PCDHGB3: variants seen among roughly 807,000 people sequenced by gnomAD.
The protein encoded by PCDHGB3 is protocadherin gamma-B3.
A neutral mutation model predicts 59.2 loss-of-function variants in PCDHGB3; 40 were observed. The ratio of observed to expected loss-of-function variants is 0.68; its 90% CI spans 0.52 to 0.88. The LOEUF is 0.88. Among genes scored for constraint, PCDHGB3 ranks in the 40% least tolerant of loss-of-function variants. The pLI is 0.00. For synonymous variants in PCDHGB3, 581 were observed against 503.6 expected (o/e 1.15, Z -2.06); for missense variants, 1,309 against 1,187.9 (o/e 1.10, Z -1.50).
At chr5:141,403,226 C>T (rs1329726577) in intron 1 of PCDHGB3, 1 of 1,613,926 alleles carries the variant, frequency 6.2e-7, no homozygotes, top group South Asian at 1.1e-5. Flanking sequence ...TAGGATAGAC[C>T]GGGAGGAGCT....
At chr5:141,468,701 C>A (rs1186497330) in intron 1 of PCDHGB3, 2 of 151,628 alleles carry the variant, frequency 1.3e-5, no homozygotes, top group African/African-American at 2.4e-5. Flanking sequence ...CCCGTCTCTA[C>A]TAAAAATATA....
At chr5:141,397,223 T>C (rs144227558) in intron 1 of PCDHGB3, among the ~76,000 whole-genome samples, 1 of 152,304 alleles carries the variant, frequency 6.6e-6, no homozygotes, top group East Asian at 1.9e-4. Context: ...TATTTTGAGA[T>C]ATGAAGAAGA....
At chr5:141,395,889 G>A (rs1375818306) in intron 1 of PCDHGB3, 3 of 151,948 alleles carry the variant, frequency 2.0e-5, no homozygotes, top group African/African-American at 4.8e-5. Flanking sequence ...GTGGTCACCT[G>A]GGCTCCATGC....
chr5:141,433,108 G>A (rs2097568903), intron 1 of PCDHGB3: 2 of 1,614,146 alleles, frequency 1.2e-6, no homozygotes, highest in East Asian at 2.2e-5. Context: ...TCAGCCAGGA[G>A]AGCTTTGAAA....
intron 1 of PCDHGB3, chr5:141,392,870 G>C: frequency 6.2e-7 from 1 of 1,613,226 alleles, no homozygotes; most frequent in Non-Finnish European, 8.5e-7. Context: ...TGTGCGCGCT[G>C]CTGGGAACGC....
chr5:141,461,667 G>C (rs1337688159), intron 1 of PCDHGB3, among the ~76,000 whole-genome samples: 4 of 151,994 alleles, frequency 2.6e-5, no homozygotes, highest in African/African-American at 9.7e-5. Context: ...TTTAAAGTTT[G>C]TTATTTTGTT....
At chr5:141,453,145 G>A (rs1329081754) in intron 1 of PCDHGB3, among the ~76,000 whole-genome samples, 3 of 151,752 alleles carry the variant, frequency 2.0e-5, no homozygotes, top group Admixed American at 6.6e-5. Context: ...ATAGGGTCTC[G>A]CTATGTCACC....
At chr5:141,409,402 C>G (rs2095262140) in intron 1 of PCDHGB3, 2 of 1,613,924 alleles carry the variant, frequency 1.2e-6, no homozygotes, top group Non-Finnish European at 8.5e-7. Context: ...CTTCCAATAA[C>G]TACTACAAAC....
chr5:141,403,038 G>A, intron 1 of PCDHGB3: 1 of 1,614,088 alleles, frequency 6.2e-7, no homozygotes, highest in Non-Finnish European at 8.5e-7. Context: ...GCCAGGGCCA[G>A]TCAGATTCGC....
At chr5:141,409,920 C>T (rs759433257) in intron 1 of PCDHGB3, 2 of 1,613,400 alleles carry the variant, frequency 1.2e-6, no homozygotes, top group Non-Finnish European at 1.7e-6. Flanking sequence ...GACGGCTCCG[C>T]GTTCTTCGAT....
intron 1 of PCDHGB3, chr5:141,383,742 T>C: frequency 6.2e-7 from 1 of 1,613,986 alleles, no homozygotes; most frequent in Non-Finnish European, 8.5e-7. Flanking sequence ...CATATTCTTT[T>C]CGGAAAATAA....
chr5:141,421,901 G>A lies in PCDHGB3; in HGVS notation c.2415+49092G>A. ...GATGGAGGCGATCCCATCCGAAAGG[G>A]CGCAGTTCCCATTCGTGTGGTGGTC... is the stretch of plus-strand genomic sequence containing the variant. On this transcript the variant is annotated intron_variant, in intron 1 of 3. Coordinates refer to ENST00000576222, the MANE Select transcript of PCDHGB3 (RefSeq NM_018924.5). 1.9e-6 allele frequency: 3 copies of A among 1,613,724 alleles called. No individual in the cohort carries two copies. Among genetic ancestry groups the A allele is most frequent in the East Asian group, 2.2e-5 (1 of 44,880 alleles).
intron 1 of PCDHGB3, chr5:141,374,138 C>A: frequency 6.2e-7 from 1 of 1,608,824 alleles, no homozygotes. Context: ...GCTCCTCACG[C>A]TCCTGGGGAC....
At chr5:141,451,762 T>C (rs2154563695) in intron 1 of PCDHGB3, among the ~76,000 whole-genome samples, 1 of 152,100 alleles carries the variant, frequency 6.6e-6, no homozygotes, top group African/African-American at 2.4e-5. Flanking sequence ...ATGCCTATAG[T>C]CCCAGCTACT....
chr5:141,494,950 A>T, intron 2 of PCDHGB3, 85 bp downstream of exon 2: 2 of 1,607,070 alleles, frequency 1.2e-6, no homozygotes, highest in African/African-American at 2.7e-5. Context: ...AGGGCCCAGC[A>T]TTTGCTACAG....
At chr5:141,411,732 A>C (rs1437829295) in intron 1 of PCDHGB3, 4 of 152,694 alleles carry the variant, frequency 2.6e-5, no homozygotes, top group African/African-American at 9.7e-5. Flanking sequence ...ACATTTAAAA[A>C]TTAGCAGGGT....
chr5:141,413,319 C>T, intron 1 of PCDHGB3: 1 of 1,613,960 alleles, frequency 6.2e-7, no homozygotes, highest in South Asian at 1.1e-5. Context: ...AAGGCTCTTT[C>T]GTGGGCAACA....
chr5:141,402,746 T>C (rs956909207), intron 1 of PCDHGB3, among the ~76,000 whole-genome samples: 2 of 152,224 alleles, frequency 1.3e-5, no homozygotes, highest in African/African-American at 4.8e-5. Context: ...TGATCAACTC[T>C]AAGCGAAAAT....
chr5:141,483,660 G>GTCTGTA (rs2099584988), intron 1 of PCDHGB3, among the ~76,000 whole-genome samples: 1 of 152,094 alleles, frequency 6.6e-6, no homozygotes, highest in Non-Finnish European at 1.5e-5. Context: ...GTGTGTGTGT[G>GTCTGTA]TGTGTGTGTA....
Sources: allele counts gnomAD v4.1 joint callset (sites outside exome capture counted in the v4.1 genomes callset), GRCh38; gene constraint gnomAD v4.1.1; transcripts MANE v1.5; gene names NCBI Gene and HGNC (gene_info 2026-07-23, HGNC 2026-07-21).